The following CSTPP1 variants were observed in gnomAD, a reference collection of about 807,000 sequenced individuals.
The protein encoded by CSTPP1 is centriolar satellite-associated tubulin polyglutamylase complex regulator 1, also known as UPF0705 protein C11orf49.
chr11:46,970,254 A>G, the CSTPP1 span, among the ~76,000 whole-genome samples: 1 of 151,954 alleles, frequency 6.6e-6, no homozygotes, highest in Non-Finnish European at 1.5e-5. Flanking sequence ...TAAGCAAATG[A>G]TACACAATTG....
chr11:47,065,267 A>G, the CSTPP1 span, among the ~76,000 whole-genome samples: 1 of 152,092 alleles, frequency 6.6e-6, no homozygotes, highest in African/African-American at 2.4e-5. Context: ...ATCTATGAAC[A>G]TAGGATGTGT....
At chr11:47,160,659 T>G in the CSTPP1 span, 1 of 155,952 alleles carries the variant, frequency 6.4e-6, no homozygotes, top group African/African-American at 2.4e-5. Context: ...CTCTTGCCCC[T>G]GGGATCCTCC....
At chr11:47,017,947 C>T in the CSTPP1 span, among the ~76,000 whole-genome samples, 4 of 152,260 alleles carry the variant, frequency 2.6e-5, no homozygotes, top group South Asian at 2.1e-4. Context: ...GTATTACAGG[C>T]GTGAGCCACT....
the CSTPP1 span, among the ~76,000 whole-genome samples, chr11:47,054,154 C>CA: frequency 2.1e-4 from 31 of 147,656 alleles, no homozygotes; most frequent in East Asian, 6.2e-3. Context: ...CTAAAAAATA[C>CA]AAAAAAATTA....
the CSTPP1 span, among the ~76,000 whole-genome samples, chr11:46,955,730 G>C: frequency 6.6e-6 from 1 of 151,660 alleles, no homozygotes; most frequent in Non-Finnish European, 1.5e-5. Flanking sequence ...GGTGGCTCAT[G>C]CCTGCAATCC....
the CSTPP1 span, chr11:47,052,355 C>T: frequency 6.3e-7 from 1 of 1,594,662 alleles, no homozygotes; most frequent in South Asian, 1.1e-5. Flanking sequence ...TGGATTCCAT[C>T]TAACAATGAC....
the CSTPP1 span, chr11:46,987,184 T>G: frequency 6.2e-7 from 1 of 1,607,210 alleles, no homozygotes. Context: ...CATTTTCTCT[T>G]TCTCTCTTGC....
the CSTPP1 span, among the ~76,000 whole-genome samples, chr11:47,151,524 G>A: frequency 1.3e-5 from 2 of 151,886 alleles, no homozygotes; most frequent in African/African-American, 4.8e-5. Flanking sequence ...GAAGTAGATG[G>A]ATTCAAGAGA....
chr11:46,983,864 C>G, the CSTPP1 span, among the ~76,000 whole-genome samples: 4 of 152,200 alleles, frequency 2.6e-5, no homozygotes. Flanking sequence ...GTGTAAAACT[C>G]TCTGCAGGGA....
the CSTPP1 span, chr11:47,023,498 T>C: frequency 1.3e-5 from 2 of 152,218 alleles, no homozygotes; most frequent in Non-Finnish European, 2.9e-5. Context: ...TTCTGTGGCA[T>C]TAAATACATT....
chr11:46,999,170 T>C, the CSTPP1 span, among the ~76,000 whole-genome samples: 2 of 151,974 alleles, frequency 1.3e-5, no homozygotes, highest in African/African-American at 2.4e-5. Flanking sequence ...TTCTGAAATA[T>C]GGGCTTCAGT....
At chr11:47,122,343 CA>C in the CSTPP1 span, among the ~76,000 whole-genome samples, 1 of 151,276 alleles carries the variant, frequency 6.6e-6, no homozygotes, top group South Asian at 2.1e-4. Context: ...ATGGATGAAA[CA>C]AGGTGTAGGG....
chr11:47,138,087 A>T, the CSTPP1 span: 1 of 266,104 alleles, frequency 3.8e-6, no homozygotes. Flanking sequence ...TACTGTAAAG[A>T]TACTACCCAA....
chr11:47,128,887 C>G, the CSTPP1 span, among the ~76,000 whole-genome samples: 2 of 152,130 alleles, frequency 1.3e-5, no homozygotes, highest in African/African-American at 2.4e-5. Flanking sequence ...TTTTGCCCCC[C>G]TAAAACAACA....
At chr11:46,968,824 G>A in the CSTPP1 span, among the ~76,000 whole-genome samples, 83 of 151,876 alleles carry the variant, frequency 5.5e-4, no homozygotes, top group Non-Finnish European at 9.9e-4. Context: ...GCTTGAACCC[G>A]GGGGGCGGAG....
the CSTPP1 span, among the ~76,000 whole-genome samples, chr11:47,124,271 G>T: frequency 6.6e-6 from 1 of 151,356 alleles, no homozygotes; most frequent in South Asian, 2.1e-4. Flanking sequence ...TTACAGGCAC[G>T]TGCCACCACG....
chr11:47,149,770 G>A, the CSTPP1 span, among the ~76,000 whole-genome samples: 1 of 152,004 alleles, frequency 6.6e-6, no homozygotes, highest in Non-Finnish European at 1.5e-5. Flanking sequence ...ACATCAAACT[G>A]TCCCCCCACT....
At chr11:46,959,391 G>A in the CSTPP1 span, among the ~76,000 whole-genome samples, 4 of 152,036 alleles carry the variant, frequency 2.6e-5, no homozygotes, top group African/African-American at 9.7e-5. Context: ...GGGCACCTCT[G>A]TCTTCAAACT....
the CSTPP1 span, among the ~76,000 whole-genome samples, chr11:47,092,401 C>T: frequency 6.6e-6 from 1 of 152,182 alleles, no homozygotes; most frequent in South Asian, 2.1e-4. Flanking sequence ...ACTAGGAATG[C>T]AGTAGGTTTC....
Sources: gnomAD v4.1 joint callset for allele counts (sites outside exome capture counted in the v4.1 genomes callset) on GRCh38, gnomAD v4.1.1 for gene constraint, MANE v1.5 for transcripts, NCBI Gene and HGNC (gene_info 2026-07-23, HGNC 2026-07-21) for gene names.